FRMD7: variants seen among roughly 807,000 people sequenced by gnomAD.
FRMD7 encodes the protein FERM domain containing 7.
In FRMD7, 14 loss-of-function variants were observed where a neutral mutation model predicts 44.1. That is an observed-to-expected ratio of 0.32 (90% CI 0.21 to 0.50). The LOEUF is 0.50. Ranked by LOEUF, FRMD7 falls within the 20% of genes least tolerant of loss-of-function variation. FRMD7 has a pLI of 0.99. For synonymous variants in FRMD7, 212 were observed against 187.4 expected (o/e 1.13, Z -1.07); for missense variants, 501 against 522.3 (o/e 0.96, Z 0.40).
Position 132,116,506 on chromosome X carries a change from A to C in FRMD7, c.57+11282T>G, listed in dbSNP as rs914031879. 5.4e-5 allele frequency among the ~76,000 whole-genome samples: 6 copies of C among 111,983 alleles called. No homozygotes were observed. In the South Asian group the frequency reaches 2.2e-3, roughly 42 times the overall value. On this transcript the variant is annotated intron_variant, in intron 1 of 11. Transcript: ENST00000298542. ...CCCTGTTTTTTACTCAACCACTCCC[A>C]ACACAAATAAGAGCCGTTTAAGATA...
chrX:132,082,296 C>G (rs112309457), intron 9 of FRMD7, 67 bp downstream of exon 9: 3 of 944,168 alleles, frequency 3.2e-6, no homozygotes. Flanking sequence ...GTGAACTCCT[C>G]CTAAGCCTCC....
At chrX:132,125,150 G>A (rs191168893) in intron 1 of FRMD7, among the ~76,000 whole-genome samples, 156 of 111,701 alleles carry the variant, frequency 1.4e-3, no homozygotes, top group African/African-American at 5.0e-3. Context: ...TCCAGTTCTT[G>A]TGGAGTAGTG....
intron 9 of FRMD7, among the ~76,000 whole-genome samples, chrX:132,081,802 T>C (rs776436494): frequency 8.9e-6 from 1 of 111,861 alleles, no homozygotes; most frequent in Admixed American, 9.5e-5. Flanking sequence ...ATACTTTAAG[T>C]TTTAGGGTAC....
At chrX:132,098,936 T>G (rs1928419779) in intron 3 of FRMD7, among the ~76,000 whole-genome samples, 1 of 112,014 alleles carries the variant, frequency 8.9e-6, no homozygotes, top group Admixed American at 9.5e-5. Context: ...TGCAGGTTAT[T>G]GGCAACTCAG....
At chrX:132,124,501 G>A (rs1051024102) in intron 1 of FRMD7, among the ~76,000 whole-genome samples, 2 of 111,792 alleles carry the variant, frequency 1.8e-5, no homozygotes, top group African/African-American at 6.5e-5. Context: ...TCTAGCAATT[G>A]TGAAGTCCCA....
chrX:132,122,666 G>A (rs1929064020), intron 1 of FRMD7, among the ~76,000 whole-genome samples: 2 of 112,133 alleles, frequency 1.8e-5, no homozygotes, highest in Admixed American at 9.5e-5. Flanking sequence ...CTGCAATATC[G>A]ATGTTTGGGC....
At chrX:132,099,665 A>G (rs1353373182) in intron 2 of FRMD7, among the ~76,000 whole-genome samples, 155 bp from the exon 3 acceptor site, 1 of 111,965 alleles carries the variant, frequency 8.9e-6, no homozygotes, top group Non-Finnish European at 1.9e-5. Context: ...AATAGGTGGC[A>G]TACTACGTTT....
At chrX:132,114,269 T>A (rs770720291) in intron 1 of FRMD7, among the ~76,000 whole-genome samples, 2 of 111,602 alleles carry the variant, frequency 1.8e-5, no homozygotes, top group South Asian at 7.5e-4. Context: ...AAACATCTAC[T>A]TACTAAGAGG....
chrX:132,110,416 AAG>A (rs965882953), intron 1 of FRMD7, among the ~76,000 whole-genome samples: 2 of 110,621 alleles, frequency 1.8e-5, no homozygotes, highest in Non-Finnish European at 3.8e-5. Context: ...TGGGGAGGTT[AAG>A]AGAGAGAGAG....
At chrX:132,120,284 G>A (rs1242756358) in intron 1 of FRMD7, among the ~76,000 whole-genome samples, 5 of 112,707 alleles carry the variant, frequency 4.4e-5, no homozygotes, top group East Asian at 2.8e-4. Flanking sequence ...AACTCCTATA[G>A]AATTCAGAGG....
intron 1 of FRMD7, among the ~76,000 whole-genome samples, chrX:132,126,319 T>C (rs748914813): frequency 2.7e-5 from 3 of 111,715 alleles, no homozygotes; most frequent in Non-Finnish European, 5.6e-5. Flanking sequence ...AATTGCTGGG[T>C]ATCAAATCTC....
chrX:132,086,559 G>T (rs191086149), intron 5 of FRMD7, among the ~76,000 whole-genome samples: 1 of 109,010 alleles, frequency 9.2e-6, no homozygotes, highest in East Asian at 2.9e-4. Flanking sequence ...AAGAAATTTG[G>T]ACACACAGAG....
At chrX:132,100,542 C>T in intron 2 of FRMD7, 70 bp downstream of exon 2, 1 of 714,736 alleles carries the variant, frequency 1.4e-6, no homozygotes, top group Non-Finnish European at 2.3e-6. Flanking sequence ...TTGAACCCTA[C>T]ATACCTAGCT....
At chrX:132,119,814 C>G (rs1378476599) in intron 1 of FRMD7, among the ~76,000 whole-genome samples, 1 of 111,492 alleles carries the variant, frequency 9.0e-6, no homozygotes, top group Non-Finnish European at 1.9e-5. Context: ...CAGGTCTTCT[C>G]AGTGGTGCCT....
At chrX:132,094,737 G>C (rs1045704054) in intron 4 of FRMD7, among the ~76,000 whole-genome samples, 1 of 111,678 alleles carries the variant, frequency 9.0e-6, no homozygotes, top group Non-Finnish European at 1.9e-5. Flanking sequence ...AAGAACTTGG[G>C]GCCCTGCTTC....
At chrX:132,122,536 T>C (rs950350482) in intron 1 of FRMD7, among the ~76,000 whole-genome samples, 8 of 112,427 alleles carry the variant, frequency 7.1e-5, no homozygotes, top group African/African-American at 2.6e-4. Context: ...CTTTCTCACA[T>C]ATCTCCCATA....
At chrX:132,119,851 G>C (rs1928991949) in intron 1 of FRMD7, among the ~76,000 whole-genome samples, 2 of 111,047 alleles carry the variant, frequency 1.8e-5, no homozygotes, top group African/African-American at 6.6e-5. Flanking sequence ...TGGCCAGCTC[G>C]GCACTACCTC....
At position 132,107,192 on chromosome X, in the gene FRMD7, C is replaced by T. The variant is rs144518084; in HGVS notation, c.58-6476G>A. 5.8e-3 allele frequency among the ~76,000 whole-genome samples: 654 copies of T among 111,822 alleles called. 5 individuals carry two copies. The highest frequency in any genetic ancestry group is 0.021 in the African/African-American group (634 of 30,806). On this transcript the variant is annotated intron_variant, in intron 1 of 11. Transcript: ENST00000298542. ...GGGTTATTTTTACTTTTTGCTTATA[C>T]TTGTTATATTTTCCAGAGAAATACA...
At chrX:132,099,183 G>T (rs1033242071) in intron 3 of FRMD7, among the ~76,000 whole-genome samples, 1 of 111,984 alleles carries the variant, frequency 8.9e-6, no homozygotes, top group Non-Finnish European at 1.9e-5. Context: ...TCGAAGATTT[G>T]CAGTGCCAGA....
Sources: gnomAD v4.1 joint callset for allele counts (sites outside exome capture counted in the v4.1 genomes callset) on GRCh38, gnomAD v4.1.1 for gene constraint, MANE v1.5 for transcripts, NCBI Gene and HGNC (gene_info 2026-07-23, HGNC 2026-07-21) for gene names.